SLC2A9: variants seen among roughly 807,000 people sequenced by gnomAD.
SLC2A9 encodes solute carrier family 2 member 9, also known as solute carrier family 2, facilitated glucose transporter member 9.
Under a neutral mutation model 50.6 loss-of-function variants are expected in SLC2A9, and 39 were observed. That is an observed-to-expected ratio of 0.77 (90% confidence interval 0.60 to 1.01). The LOEUF (loss-of-function observed/expected upper bound fraction) is 1.01. Among genes scored for constraint, SLC2A9 ranks in the 50% least tolerant of loss-of-function variants. The probability of loss-of-function intolerance (pLI) is 0.00; values close to 1 mark genes in which losing one functional copy is unlikely to be tolerated. For missense variants in SLC2A9, 686 were observed against 677.6 expected, an observed-to-expected ratio of 1.01 and a Z score of -0.14; for synonymous variants, 324 against 276.9, an observed-to-expected ratio of 1.17 and a Z score of -1.69.
At chr4:9,984,438 G>C (rs1756378428) in intron 4 of SLC2A9, among the ~76,000 whole-genome samples, 1 of 152,202 alleles carries the variant, frequency 6.6e-6, no homozygotes, top group Non-Finnish European at 1.5e-5. Flanking sequence ...GACAGAGAGA[G>C]AGAGAGAGAC....
chr4:9,807,985 T>G (rs1286976158), intron 3 of SLC2A9, among the ~76,000 whole-genome samples: 1 of 152,238 alleles, frequency 6.6e-6, no homozygotes, highest in African/African-American at 2.4e-5. Flanking sequence ...TCACCATGTC[T>G]TGCCACCTTG....
intron 5 of SLC2A9, among the ~76,000 whole-genome samples, chr4:9,977,011 T>C (rs184704956): frequency 5.0e-4 from 76 of 152,284 alleles, no homozygotes; most frequent in Middle Eastern, 3.4e-3. Context: ...CCATCACCAC[T>C]AACCTCACTC....
intron 5 of SLC2A9, among the ~76,000 whole-genome samples, chr4:9,954,617 T>A (rs1750888014): frequency 1.3e-5 from 2 of 152,072 alleles, no homozygotes; most frequent in African/African-American, 4.8e-5. Context: ...GGTGAGTGGG[T>A]GTCTACAGAC....
intron 10 of SLC2A9, among the ~76,000 whole-genome samples, chr4:9,858,700 G>A (rs1212233402): frequency 1.3e-5 from 2 of 152,208 alleles, no homozygotes; most frequent in Non-Finnish European, 1.5e-5. Context: ...AGAGGCAGAG[G>A]TGGAATGATG....
Position 9,826,335 on chromosome 4 carries a change from A to G in SLC2A9, c.*62T>C, listed in dbSNP as rs1413392652. 6.5e-7 allele frequency: 1 copy of G among 1,546,292 alleles called. No homozygotes were observed. The highest frequency in any genetic ancestry group is 1.4e-5 in the African/African-American group (1 of 73,404). ...TAAATTTTAAGTTTCCTGAAAAGTGAGATCATCCATGTAGACAATCCTGTT... is the reference window on the plus strand; with the variant it reads ...TAAATTTTAAGTTTCCTGAAAAGTGGGATCATCCATGTAGACAATCCTGTT... On this transcript the variant is annotated 3_prime_UTR_variant, in exon 12 of 12. Transcript: ENST00000264784.
intron 6 of SLC2A9, among the ~76,000 whole-genome samples, chr4:9,927,178 C>T (rs552810805): frequency 5.4e-5 from 6 of 112,134 alleles, no homozygotes; most frequent in East Asian, 2.0e-4. Flanking sequence ...TACAGGCATC[C>T]GCCACCACGC....
At chr4:9,991,801 C>T (rs896511304) in intron 3 of SLC2A9, among the ~76,000 whole-genome samples, 4 of 152,132 alleles carry the variant, frequency 2.6e-5, no homozygotes, top group Admixed American at 2.0e-4. Flanking sequence ...AGAGAAGCCT[C>T]GGGAGGAAAA....
intron 6 of SLC2A9, among the ~76,000 whole-genome samples, chr4:9,935,582 C>T (rs1479147220): frequency 6.6e-6 from 1 of 152,312 alleles, no homozygotes; most frequent in African/African-American, 2.4e-5. Context: ...TGTGACCAAA[C>T]CAGAACTCCT....
chr4:9,919,744 A>C (rs918745905), intron 7 of SLC2A9, among the ~76,000 whole-genome samples: 2 of 152,180 alleles, frequency 1.3e-5, no homozygotes, highest in Non-Finnish European at 2.9e-5. Context: ...TGGGGAGATC[A>C]CCACCCCTAG....
intron 11 of SLC2A9, among the ~76,000 whole-genome samples, chr4:9,828,116 C>T (rs1309752404): frequency 1.3e-5 from 2 of 152,166 alleles, no homozygotes; most frequent in African/African-American, 2.4e-5. Context: ...GCTGATGGCA[C>T]CTCCATCCTT....
chr4:9,782,934 T>C lies in SLC2A9; in HGVS notation n.386-2869A>G, dbSNP rs557890668. On this transcript the variant is annotated intron_variant and non_coding_transcript_variant, in intron 3 of 3. Coordinates refer to the SLC2A9 transcript ENST00000503803. ...GTTCTCAAGACCCTGTCGGTGATCA[T>C]GGGGGTCTTCGTGTGTTGCTGGCTG... 28 of 1,613,950 alleles carry C rather than the reference T, an allele frequency of 1.7e-5. No individual in the cohort carries two copies. In the East Asian group the frequency reaches 4.0e-4, roughly 23 times the overall value.
intron 6 of SLC2A9, among the ~76,000 whole-genome samples, chr4:9,941,170 T>C (rs950860326): frequency 6.6e-6 from 1 of 152,194 alleles, no homozygotes; most frequent in East Asian, 1.9e-4. Flanking sequence ...AGAATCAGAA[T>C]GTGATTGTTC....
intron 2 of SLC2A9, among the ~76,000 whole-genome samples, chr4:10,017,144 A>G (rs893280303): frequency 6.6e-6 from 1 of 152,328 alleles, no homozygotes; most frequent in East Asian, 1.9e-4. Context: ...AGTTGGATAC[A>G]TTATAAACTC....
At chr4:9,802,348 G>C (rs371673234) in intron 3 of SLC2A9, among the ~76,000 whole-genome samples, 2 of 151,496 alleles carry the variant, frequency 1.3e-5, no homozygotes, top group African/African-American at 4.8e-5. Context: ...TCCTGGCAAC[G>C]TGGAAAATAC....
intron 7 of SLC2A9, among the ~76,000 whole-genome samples, chr4:9,917,344 T>A (rs867805836): frequency 7.3e-6 from 1 of 137,540 alleles, no homozygotes. Flanking sequence ...TTTTTTTTTT[T>A]TTTTTTGTGA....
intron 7 of SLC2A9, among the ~76,000 whole-genome samples, chr4:9,911,259 T>A (rs900570929): frequency 6.6e-6 from 1 of 151,860 alleles, no homozygotes; most frequent in East Asian, 1.9e-4. Context: ...GCTACAGGGG[T>A]CCTGCCGGGC....
rs539426590 is a variant in SLC2A9, at chr4:9,959,755, A to G, written c.682-17710T>C. On this transcript the variant is annotated intron_variant, in intron 5 of 11. Transcript: ENST00000264784. ...TTGGGGTTCCCTTTGTGGAGTTTCAAGTGCCCCTTTGAGATTTGTTTTTGG... is the reference window on the plus strand; with the variant it reads ...TTGGGGTTCCCTTTGTGGAGTTTCAGGTGCCCCTTTGAGATTTGTTTTTGG... 1.2e-4 allele frequency among the ~76,000 whole-genome samples: 19 copies of G among 152,232 alleles called. 1 individual carries two copies. The highest frequency in any genetic ancestry group is 3.9e-4 in the Admixed American group (6 of 15,286).
chr4:10,028,765 C>G (rs1023799735), intron 1 of SLC2A9, among the ~76,000 whole-genome samples: 1 of 152,212 alleles, frequency 6.6e-6, no homozygotes, highest in Non-Finnish European at 1.5e-5. Flanking sequence ...AGTGCTGCCT[C>G]TGCCTCCTTC....
intron 4 of SLC2A9, among the ~76,000 whole-genome samples, chr4:9,981,458 A>C (rs1755868139): frequency 6.6e-6 from 1 of 152,170 alleles, no homozygotes; most frequent in Non-Finnish European, 1.5e-5. Context: ...ATTTACTTTT[A>C]ACAATAGTCT....
Sources: gnomAD v4.1 joint callset for allele counts (sites outside exome capture counted in the v4.1 genomes callset) on GRCh38, gnomAD v4.1.1 for gene constraint, MANE v1.5 for transcripts, NCBI Gene and HGNC (gene_info 2026-07-23, HGNC 2026-07-21) for gene names.